The following SYTL4 variants were observed in gnomAD, a reference collection of about 807,000 sequenced individuals.
SYTL4 encodes synaptotagmin like 4, also known as synaptotagmin-like protein 4.
In SYTL4, 16 loss-of-function variants were observed where a neutral mutation model predicts 52.7. The observed-to-expected ratio is 0.30, with a 90% CI of 0.21 to 0.46. SYTL4 has a LOEUF of 0.46. Ranked by LOEUF, SYTL4 falls within the 20% of genes least tolerant of loss-of-function variation. The pLI, the probability that SYTL4 is intolerant of heterozygous loss-of-function variation, is 1.00. For missense variants in SYTL4, 423 were observed against 519.9 expected, an observed-to-expected ratio of 0.81 and a Z score of 1.81; for synonymous variants, 160 against 186.6, an observed-to-expected ratio of 0.86 and a Z score of 1.16.
In SYTL4 at chrX:100,731,476, G is replaced by C. The variant is rs1254975617; in HGVS notation, c.-298C>G. The C allele has an allele frequency of 3.6e-5, 4 of 112,648 alleles. No homozygotes were observed. Among genetic ancestry groups the C allele is most frequent in the Non-Finnish European group, 7.5e-5 (4 of 53,294 alleles). The allele number at this position is 112,648 out of a possible 1,213,427, so 9.3% of individuals were successfully genotyped here. ...GATGTCGTAGGTCCGAAGAGAGTGC[G>C]GGTTAGCGACCCCGCTCGACGGCCG... On this transcript the variant is annotated 5_prime_UTR_variant, in exon 2 of 20. Transcript: ENST00000372989.
At chrX:100,688,258 G>C (rs2083512025) in intron 13 of SYTL4, 93 bp downstream of exon 13, 1 of 673,279 alleles carries the variant, frequency 1.5e-6, no homozygotes, top group African/African-American at 2.2e-5. Context: ...TGACTAGGAT[G>C]GTTTCCCCAG....
At chrX:100,686,393 C>G (rs1265590495) in intron 15 of SYTL4, 3 of 387,786 alleles carry the variant, frequency 7.7e-6, no homozygotes, top group Non-Finnish European at 1.3e-5. Flanking sequence ...TGAGATAACA[C>G]TGGATTGTCC....
intron 8 of SYTL4, among the ~76,000 whole-genome samples, chrX:100,696,810 T>C (rs1244850908): frequency 2.7e-5 from 3 of 111,287 alleles, no homozygotes; most frequent in Non-Finnish European, 5.7e-5. Context: ...ACTTACTTTA[T>C]ACATTTCTAT....
At chrX:100,726,953 T>C (rs1238286202) in intron 2 of SYTL4, among the ~76,000 whole-genome samples, 1 of 110,217 alleles carries the variant, frequency 9.1e-6, no homozygotes, top group Non-Finnish European at 1.9e-5. Context: ...TGAGTCTCCA[T>C]TGTCTATCAT....
At chrX:100,698,286 T>G (rs190640283) in intron 8 of SYTL4, among the ~76,000 whole-genome samples, 4,679 of 110,130 alleles carry the variant, frequency 0.042, 248 homozygotes, top group African/African-American at 0.14. Flanking sequence ...TGTATTTTTA[T>G]TAGAGACGGG....
chrX:100,723,382 G>C (rs950351025), intron 2 of SYTL4, among the ~76,000 whole-genome samples: 1 of 112,462 alleles, frequency 8.9e-6, no homozygotes, highest in African/African-American at 3.2e-5. Flanking sequence ...TTGGCTTCCC[G>C]AGGTGCTGGG....
Position 100,681,252 on chromosome X carries a change from G to T in SYTL4, c.1533C>A (p.Thr511=). The change falls in exon 17 of 20, where the codon ACC becomes ACA. Residue 511 remains threonine (T), a synonymous_variant. Coordinates refer to ENST00000372989, the MANE Select transcript of SYTL4 (RefSeq NM_001370165.1). ...VSLKYIPASK[T]PVGGDRKKSK... ...TCTTTTTCCGGTCACCTCCAACAGG[G>T]GTTTTGGAGGCTGGGATGTATTTCA... 1 of 1,209,681 alleles carries T rather than the reference G, an allele frequency of 8.3e-7. No individual in the cohort carries two copies. Among genetic ancestry groups the T allele is most frequent in the Non-Finnish European group, 1.1e-6 (1 of 894,014 alleles).
At chrX:100,715,154 G>A in intron 2 of SYTL4, among the ~76,000 whole-genome samples, 1 of 111,089 alleles carries the variant, frequency 9.0e-6, no homozygotes, top group East Asian at 2.8e-4. Flanking sequence ...CCCAGTAGCT[G>A]GGATTGCAGG....
intron 2 of SYTL4, among the ~76,000 whole-genome samples, chrX:100,707,284 T>C (rs182964937): frequency 9.0e-6 from 1 of 111,172 alleles, no homozygotes; most frequent in Admixed American, 9.5e-5. Context: ...TTAAATTAAA[T>C]AAGAAATCAA....
At chrX:100,723,328 G>T (rs1367417682) in intron 2 of SYTL4, among the ~76,000 whole-genome samples, 1 of 112,024 alleles carries the variant, frequency 8.9e-6, no homozygotes, top group Non-Finnish European at 1.9e-5. Flanking sequence ...CGCTGTGTTG[G>T]CCGGGCTGGT....
chrX:100,701,357 A>G (rs1049435611), intron 6 of SYTL4, 28 bp from the exon 7 acceptor site: 5 of 1,179,091 alleles, frequency 4.2e-6, no homozygotes, highest in African/African-American at 3.5e-5. Context: ...AAAATGACAG[A>G]TGGATAAAGA....
chrX:100,689,627 G>A (rs1335468166), intron 12 of SYTL4, among the ~76,000 whole-genome samples: 2 of 48,864 alleles, frequency 4.1e-5, no homozygotes, highest in South Asian at 1.9e-3. Flanking sequence ...AAACAAGAGC[G>A]AAACTCCGTC....
Position 100,713,313 on chromosome X carries a change from C to T in SYTL4, c.-239-8427G>A, listed in dbSNP as rs182749109. 3.6e-5 allele frequency among the ~76,000 whole-genome samples: 4 copies of T among 111,680 alleles called. No individual in the cohort carries two copies. The East Asian group carries it at 8.4e-4, about 24-fold the overall frequency. On this transcript the variant is annotated intron_variant, in intron 2 of 19. Coordinates refer to ENST00000372989, the MANE Select transcript of SYTL4 (RefSeq NM_001370165.1). ...ACAAAAAATTACCCAGGTGTGGTGG[C>T]AGGCACCTGTAATCCCAGCTACTTG...
At chrX:100,693,289 C>G (rs58955268) in intron 8 of SYTL4, among the ~76,000 whole-genome samples, 17,308 of 111,822 alleles carry the variant, frequency 0.15, 2,614 homozygotes, top group African/African-American at 0.47. Flanking sequence ...CTCAATGTCT[C>G]CACGTGGATG....
chrX:100,686,816 G>T, intron 14 of SYTL4, 35 bp from the exon 15 acceptor site: 1 of 1,116,960 alleles, frequency 9.0e-7, no homozygotes, highest in Non-Finnish European at 1.2e-6. Context: ...TAATTTGCTG[G>T]CCTTTCTCAA....
At chrX:100,689,143 C>T (rs1370004700) in intron 12 of SYTL4, among the ~76,000 whole-genome samples, 4 of 99,306 alleles carry the variant, frequency 4.0e-5, no homozygotes, top group African/African-American at 1.6e-4. Context: ...GAGGCAGAGG[C>T]GGGCGGATCA....
intron 2 of SYTL4, among the ~76,000 whole-genome samples, chrX:100,718,171 T>C (rs1269475481): frequency 1.8e-5 from 2 of 111,752 alleles, no homozygotes; most frequent in Non-Finnish European, 3.8e-5. Context: ...TTATTAACCA[T>C]ATGCTTTGGA....
chrX:100,724,398 T>G (rs1456904396), intron 2 of SYTL4, among the ~76,000 whole-genome samples: 2 of 103,392 alleles, frequency 1.9e-5, no homozygotes, highest in Non-Finnish European at 2.0e-5. Context: ...GAACGGGCCA[T>G]GATGACAATG....
chrX:100,696,128 A>G (rs2083700763), intron 8 of SYTL4, among the ~76,000 whole-genome samples: 2 of 112,313 alleles, frequency 1.8e-5, no homozygotes, highest in South Asian at 7.4e-4. Flanking sequence ...GGGCTATTAC[A>G]AATAAAGCTG....
Sources: allele counts gnomAD v4.1 joint callset (sites outside exome capture counted in the v4.1 genomes callset), GRCh38; gene constraint gnomAD v4.1.1; transcripts MANE v1.5; gene names NCBI Gene and HGNC (gene_info 2026-07-23, HGNC 2026-07-21).